MAGEA12: variants seen among roughly 807,000 people sequenced by gnomAD.
MAGEA12 encodes MAGE family member A12, also known as melanoma-associated antigen 12.
For missense variants in MAGEA12, 235 were observed against 240.1 expected (o/e 0.98, Z 0.14); for synonymous variants, 135 against 104.7 (o/e 1.29, Z -1.77).
chrX:152,735,603 C>A (rs1320276000), intron 2 of MAGEA12, among the ~76,000 whole-genome samples: 1 of 112,027 alleles, frequency 8.9e-6, no homozygotes, highest in African/African-American at 3.2e-5. Flanking sequence ...CCCCTCATGT[C>A]CTTCTGTACC....
chrX:152,736,524 C>G lies in MAGEA12; in HGVS notation c.363C>G (p.Leu121=), dbSNP rs144432043. The change falls in exon 3 of 3, where the codon CTC becomes CTG. Residue 121 remains leucine (L), a synonymous_variant. Coordinates refer to ENST00000393869, the MANE Select transcript of MAGEA12 (RefSeq NM_001166387.4). ...TGGCTGAGTTGGTTCATTTTCTGCT[C>G]CTCAAGTATCGAGCCAGGGAGCCAT... ...RKMAELVHFL[L]LKYRAREPFT... 31 of 1,210,278 alleles carry G rather than the reference C, an allele frequency of 2.6e-5. No homozygotes were observed. The highest frequency in any genetic ancestry group is 3.5e-5 in the Non-Finnish European group (31 of 895,307).
At chrX:152,734,326 A>G (rs1932250195) in intron 1 of MAGEA12, among the ~76,000 whole-genome samples, 1 of 111,392 alleles carries the variant, frequency 9.0e-6, no homozygotes, top group Non-Finnish European at 1.9e-5. Context: ...ATGGCGGCCA[A>G]GCACGCGGAT....
At chrX:152,734,320 C>T (rs1932249792) in intron 1 of MAGEA12, among the ~76,000 whole-genome samples, 2 of 111,251 alleles carry the variant, frequency 1.8e-5, no homozygotes, top group Non-Finnish European at 3.8e-5. Context: ...CCGGGAATGG[C>T]GGCCAAGCAC....
Position 152,736,371 on chromosome X carries a change from C to A in MAGEA12, c.210C>A (p.Thr70=), listed in dbSNP as rs782762275. 8.3e-7 allele frequency: 1 copy of A among 1,211,373 alleles called. No homozygotes were observed. The highest frequency in any genetic ancestry group is 1.1e-6 in the Non-Finnish European group (1 of 895,273). ...CCCACAGTCCTCAGGGAGCCTCCAC[C>A]CTCCCCACTACCATCAACTATACTC... ...SPPHSPQGAS[T]LPTTINYTLW... Residue 70 remains threonine (T), a synonymous_variant, in exon 3 of 3, where the codon ACC becomes ACA. Transcript: ENST00000393869.
In MAGEA12 at chrX:152,737,117, G is replaced by C. The variant is rs781928078; in HGVS notation, c.*11G>C. ...GAGGGGGAAGAGTGAGTCTGAGCACGAGTTGCAGCCAGGGCCAGTGGGAGG... is the reference window on the plus strand; with the variant it reads ...GAGGGGGAAGAGTGAGTCTGAGCACCAGTTGCAGCCAGGGCCAGTGGGAGG... On this transcript the variant is annotated 3_prime_UTR_variant, in exon 3 of 3. Coordinates refer to ENST00000393869, the MANE Select transcript of MAGEA12 (RefSeq NM_001166387.4). 46 of 1,203,749 alleles carry C rather than the reference G, an allele frequency of 3.8e-5. No individual in the cohort carries two copies. In the Admixed American group the frequency reaches 9.8e-4, roughly 26 times the overall value.
chrX:152,734,356 G>A (rs1932252339), intron 1 of MAGEA12, among the ~76,000 whole-genome samples: 1 of 111,713 alleles, frequency 9.0e-6, no homozygotes, highest in African/African-American at 3.3e-5. Context: ...CACATCTGTG[G>A]CTCAGGGAGG....
intron 2 of MAGEA12, 81 bp from the exon 3 acceptor site, chrX:152,736,006 A>G (rs1173154163): frequency 3.5e-6 from 2 of 574,072 alleles, no homozygotes; most frequent in Non-Finnish European, 5.5e-6. Flanking sequence ...GCCTGGCCTC[A>G]CCCTCCCTAC....
chrX:152,736,020 CA>C (rs1932310907), intron 2 of MAGEA12, 66 bp from the exon 3 acceptor site: 1 of 629,262 alleles, frequency 1.6e-6, no homozygotes, highest in African/African-American at 2.2e-5. Context: ...TCCCTACTGT[CA>C]TTCCTTCAGC....
chrX:152,734,772 T>C (rs1932268063), intron 1 of MAGEA12, among the ~76,000 whole-genome samples: 1 of 112,357 alleles, frequency 8.9e-6, no homozygotes, highest in Non-Finnish European at 1.9e-5. Flanking sequence ...TCCCAGGATC[T>C]GCCGGACCCA....
At chrX:152,734,427 C>T (rs1252607251) in intron 1 of MAGEA12, among the ~76,000 whole-genome samples, 1 of 111,402 alleles carries the variant, frequency 9.0e-6, no homozygotes, top group Non-Finnish European at 1.9e-5. Context: ...CAAGCCCCTC[C>T]TGGAAGATAA....
Position 152,737,115 on chromosome X carries a change from A to T in MAGEA12, c.*9A>T. 1 of 1,207,033 alleles carries T rather than the reference A, an allele frequency of 8.3e-7. No individual in the cohort carries two copies. The highest frequency in any genetic ancestry group is 1.1e-6 in the Non-Finnish European group (1 of 891,716). ...GAGAGGGGGAAGAGTGAGTCTGAGC[A>T]CGAGTTGCAGCCAGGGCCAGTGGGA... On this transcript the variant is annotated 3_prime_UTR_variant, in exon 3 of 3. Transcript: ENST00000393869.
chrX:152,734,390 C>T (rs1348235788), intron 1 of MAGEA12, among the ~76,000 whole-genome samples: 4 of 111,422 alleles, frequency 3.6e-5, no homozygotes, highest in East Asian at 2.9e-4. Context: ...ATCGTGAGTA[C>T]GGCCTTTGGG....
intron 1 of MAGEA12, among the ~76,000 whole-genome samples, chrX:152,734,773 G>T (rs1415450624): frequency 1.5e-4 from 17 of 112,390 alleles, no homozygotes; most frequent in Non-Finnish European, 2.8e-4. Flanking sequence ...CCCAGGATCT[G>T]CCGGACCCAA....
At position 152,736,289 on chromosome X, in the gene MAGEA12, C is replaced by G; in HGVS notation, c.128C>G (p.Ser43Cys). The change falls in exon 3 of 3, where the codon TCT becomes TGT. Residue 43 changes from serine (S) to cysteine (C), a missense_variant. Coordinates refer to ENST00000393869, the MANE Select transcript of MAGEA12 (RefSeq NM_001166387.4). ...GAGCAGGAGACTGCCTCCTCCTCCT[C>G]TACTCTAGTGGAAGTCACCCTGCGG... ...TEEQETASSS[S>C]TLVEVTLREV... The G allele has an allele frequency of 8.3e-7, 1 of 1,211,704 alleles. No individual in the cohort carries two copies. The highest frequency in any genetic ancestry group is 1.1e-6 in the Non-Finnish European group (1 of 895,437).
Position 152,736,322 on chromosome X carries a change from C to A in MAGEA12, c.161C>A (p.Pro54His), listed in dbSNP as rs781838177. The change falls in exon 3 of 3, where the codon CCT becomes CAT. Residue 54 changes from proline to histidine, a missense_variant. Transcript: ENST00000393869. ...TLVEVTLREVPAAESPSPPHS... is the reference protein window; with the variant it reads ...TLVEVTLREVHAAESPSPPHS... ...GTGGAAGTCACCCTGCGGGAGGTGCCTGCTGCCGAGTCACCAAGTCCTCCC... is the reference window on the plus strand; with the variant it reads ...GTGGAAGTCACCCTGCGGGAGGTGCATGCTGCCGAGTCACCAAGTCCTCCC... 8.3e-7 allele frequency: 1 copy of A among 1,209,427 alleles called. No individual in the cohort carries two copies. The highest frequency in any genetic ancestry group is 1.8e-5 in the African/African-American group (1 of 56,961).
At position 152,736,111 on chromosome X, in the gene MAGEA12, C is replaced by T; in HGVS notation, c.-51C>T. 8.6e-7 allele frequency: 1 copy of T among 1,163,863 alleles called. No homozygotes were observed. On this transcript the variant is annotated 5_prime_UTR_variant, in exon 3 of 3. Coordinates refer to ENST00000393869, the MANE Select transcript of MAGEA12 (RefSeq NM_001166387.4). ...GGTTCTGAGGAGACAGGCCCCGGAG[C>T]AGCACTAGCTCCTGCCCACACTCCT... is the stretch of plus-strand genomic sequence containing the variant.
intron 1 of MAGEA12, among the ~76,000 whole-genome samples, chrX:152,734,263 T>A (rs1932247313): frequency 1.0e-5 from 1 of 97,763 alleles, no homozygotes; most frequent in Non-Finnish European, 2.0e-5. Context: ...TCCCCACCCA[T>A]CCTGGCAGAA....
intron 2 of MAGEA12, 103 bp downstream of exon 2, chrX:152,735,356 G>A (rs1191718974): frequency 4.3e-5 from 5 of 115,788 alleles, no homozygotes; most frequent in Non-Finnish European, 9.4e-5. Context: ...AGAGAGCCTG[G>A]GCAAGGCTAC....
Position 152,736,745 on chromosome X carries a change from T to C in MAGEA12, c.584T>C (p.Ile195Thr), listed in dbSNP as rs1237945398. ...SYDGLLGDNQ[I>T]VPKTGLLIIV... ...GATGGCCTGCTGGGCGACAATCAGATCGTGCCCAAGACAGGCCTCCTGATA... is the reference window on the plus strand; with the variant it reads ...GATGGCCTGCTGGGCGACAATCAGACCGTGCCCAAGACAGGCCTCCTGATA... The change falls in exon 3 of 3, where the codon ATC becomes ACC. Residue 195 changes from isoleucine to threonine, a missense_variant. By Grantham distance (89) the Ile-to-Thr change is moderately conservative. Transcript: ENST00000393869. 6 of 1,210,164 alleles carry C rather than the reference T, an allele frequency of 5.0e-6. No homozygotes were observed. The African/African-American group carries it at 1.0e-4, about 21-fold the overall frequency.
Sources: allele counts gnomAD v4.1 joint callset (sites outside exome capture counted in the v4.1 genomes callset), GRCh38; gene constraint gnomAD v4.1.1; transcripts MANE v1.5; gene names NCBI Gene and HGNC (gene_info 2026-07-23, HGNC 2026-07-21).